GLG1: variants seen among roughly 807,000 people sequenced by gnomAD.
GLG1 encodes the protein golgi glycoprotein 1, also known as Golgi apparatus protein 1.
GLG1 carries 38 observed loss-of-function variants against 160.5 expected under a neutral mutation model. The ratio of observed to expected loss-of-function variants is 0.24; its 90% CI spans 0.18 to 0.31. The LOEUF (loss-of-function observed/expected upper bound fraction) is 0.31. Ranked by LOEUF, GLG1 falls within the 10% of genes least tolerant of loss-of-function variation. GLG1 has a pLI of 1.00. For synonymous variants in GLG1, 644 were observed against 543.4 expected (o/e 1.19, Z -2.57); for missense variants, 1,373 against 1,505.2 (o/e 0.91, Z 1.45).
chr16:74,471,829 T>G (rs2015218214), intron 14 of GLG1, among the ~76,000 whole-genome samples: 2 of 152,242 alleles, frequency 1.3e-5, no homozygotes, highest in Non-Finnish European at 2.9e-5. Flanking sequence ...TAACTGCTGC[T>G]GGCCACATAC....
Position 74,459,852 on chromosome 16 carries a change from TTC to T in GLG1, c.3037-65_3037-64del, listed in dbSNP as rs942691151. Reference sequence around the variant, plus strand: ...AGCACAGAAATGAACTGACAGTTTCTTCTTTTTTTTTTTTATTTTTTGAAACA... The same window carrying T: ...AGCACAGAAATGAACTGACAGTTTCTTTTTTTTTTTTTATTTTTTGAAACA... On this transcript the variant is annotated intron_variant, in intron 22 of 25. Transcript: ENST00000422840. The T allele has an allele frequency of 2.6e-5, 21 of 818,174 alleles. No homozygotes were observed. The Admixed American group carries it at 3.4e-4, about 13-fold the overall frequency. The allele number at this position is 818,174 out of a possible 1,614,324, so 50.7% of individuals were successfully genotyped here.
At chr16:74,525,047 C>T (rs2017292151) in intron 2 of GLG1, among the ~76,000 whole-genome samples, 1 of 152,140 alleles carries the variant, frequency 6.6e-6, no homozygotes, top group Non-Finnish European at 1.5e-5. Context: ...ATCCATTAAT[C>T]AGTTAATAGG....
intron 22 of GLG1, 79 bp from the exon 23 acceptor site, chr16:74,459,868 T>A: frequency 1.4e-6 from 1 of 718,878 alleles, no homozygotes; most frequent in Non-Finnish European, 2.3e-6. Flanking sequence ...TTTTTTTTTA[T>A]TTTTTGAAAC....
In GLG1 at chr16:74,452,458, C is replaced by A; in HGVS notation, c.*709G>T. ...GTCTAGGAAGGCTCATGCTTTGCTTCAATGAAGCGAGGAGACCACAGAAAT... is the reference window on the plus strand; with the variant it reads ...GTCTAGGAAGGCTCATGCTTTGCTTAAATGAAGCGAGGAGACCACAGAAAT... On this transcript the variant is annotated 3_prime_UTR_variant, in exon 26 of 26. Transcript: ENST00000422840. 1 of 1,092,504 alleles carries A rather than the reference C, an allele frequency of 9.2e-7. No individual in the cohort carries two copies. Among genetic ancestry groups the A allele is most frequent in the Non-Finnish European group, 1.1e-6 (1 of 892,066 alleles). The allele number at this position is 1,092,504 out of a possible 1,614,324, so 67.7% of individuals were successfully genotyped here.
chr16:74,483,073 G>A lies in GLG1; in HGVS notation c.1623C>T (p.Asp541=). 1 of 1,610,952 alleles carries A rather than the reference G, an allele frequency of 6.2e-7. No homozygotes were observed. Among genetic ancestry groups the A allele is most frequent in the Non-Finnish European group, 8.5e-7 (1 of 1,177,206 alleles). Residue 541 remains aspartate (D), a synonymous_variant, in exon 10 of 26, where the codon GAC becomes GAT. Coordinates refer to ENST00000422840, the MANE Select transcript of GLG1 (RefSeq NM_001145667.2). The part of the protein sequence containing the change: ...EHLYTEKMVE[D]CEHRLLELQY... Reference sequence around the variant, plus strand: ...GCAGCTCTAAGAGACGGTGTTCACAGTCTTCTACCATCTTCTCTGTGTATA... The same window carrying A: ...GCAGCTCTAAGAGACGGTGTTCACAATCTTCTACCATCTTCTCTGTGTATA...
intron 1 of GLG1, among the ~76,000 whole-genome samples, chr16:74,555,305 T>A (rs1419753106): frequency 6.6e-6 from 1 of 152,220 alleles, no homozygotes; most frequent in Non-Finnish European, 1.5e-5. Context: ...CAATTATTCA[T>A]GTTGTGAAAG....
At chr16:74,557,463 T>C (rs2018384571) in intron 1 of GLG1, among the ~76,000 whole-genome samples, 1 of 152,136 alleles carries the variant, frequency 6.6e-6, no homozygotes, top group Admixed American at 6.5e-5. Flanking sequence ...TACTTATGGG[T>C]GACCACTTAG....
chr16:74,597,802 T>C (rs947299957), intron 1 of GLG1, among the ~76,000 whole-genome samples: 6 of 147,222 alleles, frequency 4.1e-5, no homozygotes, highest in East Asian at 2.0e-4. Flanking sequence ...TGCAGTGAGC[T>C]GAGATCGCAC....
At chr16:74,549,840 G>A (rs1324674866) in intron 1 of GLG1, among the ~76,000 whole-genome samples, 3 of 151,952 alleles carry the variant, frequency 2.0e-5, no homozygotes, top group Non-Finnish European at 2.9e-5. Context: ...GGGGCTGAGC[G>A]TGGTGGCTCA....
chr16:74,564,408 A>G (rs576729363), intron 1 of GLG1, among the ~76,000 whole-genome samples: 1 of 152,210 alleles, frequency 6.6e-6, no homozygotes, highest in Non-Finnish European at 1.5e-5. Context: ...CCAAACTCTT[A>G]GTATTATCCT....
intron 2 of GLG1, among the ~76,000 whole-genome samples, chr16:74,521,072 T>C (rs1306574044): frequency 2.0e-5 from 3 of 152,268 alleles, no homozygotes; most frequent in Admixed American, 6.5e-5. Context: ...GGAAAATGAA[T>C]AGCCACGAAA....
chr16:74,451,667 A>T lies in GLG1; in HGVS notation c.*1500T>A, dbSNP rs1293043613. 2.9e-5 allele frequency: 6 copies of T among 205,922 alleles called. No homozygotes were observed. The highest frequency in any genetic ancestry group is 5.0e-5 in the Non-Finnish European group (5 of 99,120). The allele number at this position is 205,922 out of a possible 1,614,324, so 12.8% of individuals were successfully genotyped here. A position where few individuals can be genotyped will look rare whatever the true frequency, so the allele number is the denominator to read the frequency against. ...CTAACAGGTTAATAAAATATATATT[A>T]CATAAATGTCTCTCCTACTGTACAC... On this transcript the variant is annotated 3_prime_UTR_variant, in exon 26 of 26. Transcript: ENST00000422840.
chr16:74,489,485 G>C (rs548964756), intron 8 of GLG1, among the ~76,000 whole-genome samples: 9 of 151,666 alleles, frequency 5.9e-5, no homozygotes, highest in Non-Finnish European at 1.2e-4. Flanking sequence ...AAAAAAAAAG[G>C]TAGGTTCATT....
At position 74,451,180 on chromosome 16, in the gene GLG1, CGG is replaced by C. The variant is rs2014283860; in HGVS notation, c.*1985_*1986del. On this transcript the variant is annotated 3_prime_UTR_variant, in exon 26 of 26. Coordinates refer to ENST00000422840, the MANE Select transcript of GLG1 (RefSeq NM_001145667.2). ...GCAGAGACTCTCGGGCCGCTCACTC[CGG>C]CTGGCAGTGGCGGGAGGCAGTGTGT... The C allele has an allele frequency of 6.6e-6, 1 of 152,392 alleles. No individual in the cohort carries two copies. The highest frequency in any genetic ancestry group is 2.4e-5 in the African/African-American group (1 of 41,468). 9.4% of individuals were successfully genotyped at this position (152,392 alleles called of 1,614,324 possible).
In GLG1 at chr16:74,472,397, T is replaced by C; in HGVS notation, c.2067A>G (p.Glu689=). Residue 689 remains glutamate (E), a synonymous_variant, in exon 14 of 26, where the codon GAA becomes GAG. Coordinates refer to ENST00000422840, the MANE Select transcript of GLG1 (RefSeq NM_001145667.2). ...TELESEDIQI[E]ALLMRACEPI... is the part of the protein sequence containing the mutation. Reference sequence around the variant, plus strand: ...GCTCACAGGCTCTCATCAGCAAGGCTTCTATTTGAATATCCTGTAGAAAAT... The same window carrying C: ...GCTCACAGGCTCTCATCAGCAAGGCCTCTATTTGAATATCCTGTAGAAAAT... 1.2e-6 allele frequency: 2 copies of C among 1,609,526 alleles called. No individual in the cohort carries two copies. The highest frequency in any genetic ancestry group is 8.5e-7 in the Non-Finnish European group (1 of 1,175,860).
intron 2 of GLG1, among the ~76,000 whole-genome samples, chr16:74,509,995 C>A (rs2016750903): frequency 6.6e-6 from 1 of 151,350 alleles, no homozygotes; most frequent in African/African-American, 2.4e-5. Flanking sequence ...CCTCTTGATT[C>A]CCTTAAAACA....
chr16:74,577,080 C>T (rs1034100627), intron 1 of GLG1, among the ~76,000 whole-genome samples: 2 of 152,142 alleles, frequency 1.3e-5, no homozygotes, highest in Non-Finnish European at 2.9e-5. Context: ...TGCCACCATG[C>T]CTGGCTAATT....
chr16:74,602,593 C>G (rs1200900028), intron 1 of GLG1, among the ~76,000 whole-genome samples: 4 of 151,946 alleles, frequency 2.6e-5, no homozygotes. Context: ...ACTAGCCTGG[C>G]CAATATAGTG....
intron 1 of GLG1, among the ~76,000 whole-genome samples, chr16:74,582,175 T>A (rs112426545): frequency 0.13 from 19,254 of 152,152 alleles, 1,658 homozygotes; most frequent in Admixed American, 0.24. Context: ...GTTTTTTTGT[T>A]TGTTTTTTGA....
Sources: gnomAD v4.1 joint callset for allele counts (sites outside exome capture counted in the v4.1 genomes callset) on GRCh38, gnomAD v4.1.1 for gene constraint, MANE v1.5 for transcripts, NCBI Gene and HGNC (gene_info 2026-07-23, HGNC 2026-07-21) for gene names.